CALD1: variants seen among roughly 807,000 people sequenced by gnomAD.
CALD1 encodes caldesmon 1.
CALD1 carries 33 observed loss-of-function variants against 99.9 expected under a neutral mutation model. The ratio of observed to expected loss-of-function variants is 0.33; its 90% CI spans 0.25 to 0.44. The LOEUF is 0.44. Among genes scored for constraint, CALD1 ranks in the 20% least tolerant of loss-of-function variants. The pLI, the probability that CALD1 is intolerant of heterozygous loss-of-function variation, is 1.00. For synonymous variants in CALD1, 310 were observed against 325.0 expected (o/e 0.95, Z 0.50); for missense variants, 861 against 962.1 (o/e 0.89, Z 1.39).
intron 1 of CALD1, among the ~76,000 whole-genome samples, chr7:134,769,990 T>C (rs1796864020): frequency 6.6e-6 from 1 of 152,236 alleles, no homozygotes; most frequent in South Asian, 2.1e-4. Context: ...TTCTCTTGGC[T>C]TCTCTTTTCC....
At chr7:134,940,383 CA>C (rs968937365) in intron 6 of CALD1, among the ~76,000 whole-genome samples, 5 of 152,298 alleles carry the variant, frequency 3.3e-5, no homozygotes, top group African/African-American at 9.6e-5. Context: ...ACCACAACCA[CA>C]AAACTACTTC....
chr7:134,811,058 C>A (rs1156691836), intron 1 of CALD1, among the ~76,000 whole-genome samples: 1 of 152,132 alleles, frequency 6.6e-6, no homozygotes, highest in Non-Finnish European at 1.5e-5. Context: ...TTTGGGTTGC[C>A]ACAGCACAAA....
intron 3 of CALD1, chr7:134,868,084 A>G (rs1169139186): frequency 2.0e-5 from 4 of 205,126 alleles, no homozygotes; most frequent in Non-Finnish European, 3.0e-5. Context: ...AATGTTTTAA[A>G]TGACAAAAGT....
intron 2 of CALD1, among the ~76,000 whole-genome samples, chr7:134,849,143 T>C (rs6943381): frequency 0.39 from 59,478 of 151,996 alleles, 14,384 homozygotes; most frequent in African/African-American, 0.69. Context: ...TGGCAAAGGG[T>C]CATAATATTT....
intron 9 of CALD1, among the ~76,000 whole-genome samples, chr7:134,955,336 C>T (rs1016860476): frequency 4.6e-5 from 7 of 152,062 alleles, no homozygotes; most frequent in Admixed American, 2.6e-4. Flanking sequence ...TGCAGTGAGC[C>T]GAGATTCCAC....
rs1563096413 is a variant in CALD1, at chr7:134,920,436, T to C, written c.72-8318T>C. On this transcript the variant is annotated intron_variant, in intron 3 of 14. Transcript: ENST00000361675. ...CAGACAATGCCATTAGCAGAACCAATAATGATGGGAATCAAATAAAAGTAA... is the reference window on the plus strand; with the variant it reads ...CAGACAATGCCATTAGCAGAACCAACAATGATGGGAATCAAATAAAAGTAA... 4.3e-6 allele frequency: 4 copies of C among 921,158 alleles called. No individual in the cohort carries two copies. The South Asian group carries it at 1.1e-4, about 26-fold the overall frequency. The allele number at this position is 921,158 out of a possible 1,614,324, so 57.1% of individuals were successfully genotyped here. A position where few individuals can be genotyped will look rare whatever the true frequency, so the allele number is the denominator to read the frequency against.
chr7:134,935,942 G>A (rs1805937355), intron 6 of CALD1, among the ~76,000 whole-genome samples, 177 bp downstream of exon 6: 1 of 152,128 alleles, frequency 6.6e-6, no homozygotes, highest in Non-Finnish European at 1.5e-5. Flanking sequence ...TTAATTAAAT[G>A]TATCAGTCAG....
At chr7:134,802,923 T>C (rs118085377) in intron 1 of CALD1, among the ~76,000 whole-genome samples, 149 of 152,380 alleles carry the variant, frequency 9.8e-4, no homozygotes, top group Non-Finnish European at 1.6e-3. Context: ...AGAAGTGGAA[T>C]TGCTGAGTCT....
the CALD1 span, among the ~76,000 whole-genome samples, chr7:134,729,515 C>T: frequency 7.2e-5 from 11 of 152,304 alleles, no homozygotes; most frequent in Admixed American, 5.2e-4. Flanking sequence ...ACGCAGCCCC[C>T]GAGGGCAGGC....
the CALD1 span, among the ~76,000 whole-genome samples, chr7:134,735,295 A>G: frequency 6.6e-6 from 1 of 152,190 alleles, no homozygotes; most frequent in African/African-American, 2.4e-5. Context: ...ATAGCACTTG[A>G]TTCAAAATGT....
chr7:134,965,484 C>T (rs1269330889), intron 14 of CALD1, 98 bp downstream of exon 14: 1 of 730,454 alleles, frequency 1.4e-6, no homozygotes, highest in South Asian at 1.5e-5. Context: ...CACTGACCTA[C>T]AGATCTTTGC....
At chr7:134,782,799 A>C (rs1797158629) in intron 1 of CALD1, among the ~76,000 whole-genome samples, 1 of 152,092 alleles carries the variant, frequency 6.6e-6, no homozygotes, top group Non-Finnish European at 1.5e-5. Flanking sequence ...AGTATCCCTA[A>C]TGATCTCTTC....
the CALD1 span, among the ~76,000 whole-genome samples, chr7:134,728,351 A>G: frequency 6.6e-6 from 1 of 152,176 alleles, no homozygotes; most frequent in Non-Finnish European, 1.5e-5. Flanking sequence ...ATGGACAGAA[A>G]AAGGAAAGTG....
intron 1 of CALD1, among the ~76,000 whole-genome samples, chr7:134,789,932 C>G (rs1198041543): frequency 6.6e-6 from 1 of 151,594 alleles, no homozygotes; most frequent in Non-Finnish European, 1.5e-5. Flanking sequence ...ATCTATGCTG[C>G]CTTTAACATT....
chr7:134,928,511 G>A (rs1586334509), intron 3 of CALD1, among the ~76,000 whole-genome samples: 1 of 149,598 alleles, frequency 6.7e-6, no homozygotes, highest in East Asian at 1.9e-4. Context: ...TTTAGTTTAA[G>A]TTGTTATTTG....
intron 4 of CALD1, among the ~76,000 whole-genome samples, chr7:134,929,623 T>TATACACACACAC (rs1805355587): frequency 1.1e-3 from 1 of 894 alleles, no homozygotes; most frequent in Non-Finnish European, 3.3e-3. Flanking sequence ...TATATATACG[T>TATACACACACAC]GTGTGTGTGT....
intron 1 of CALD1, among the ~76,000 whole-genome samples, chr7:134,762,822 G>C (rs1223242761): frequency 6.6e-6 from 1 of 152,118 alleles, no homozygotes; most frequent in Non-Finnish European, 1.5e-5. Context: ...GATTACAACT[G>C]GACATGAGAT....
chr7:134,934,916 C>T (rs891210942), intron 5 of CALD1, among the ~76,000 whole-genome samples: 1 of 151,770 alleles, frequency 6.6e-6, no homozygotes, highest in Admixed American at 6.6e-5. Context: ...AAGGCAAAAA[C>T]AAACCCCTGG....
intron 13 of CALD1, chr7:134,962,684 G>A: frequency 8.1e-6 from 3 of 371,668 alleles, no homozygotes; most frequent in South Asian, 6.3e-5. Context: ...CTTTGTAACT[G>A]CAATTCAATT....
Sources: allele counts gnomAD v4.1 joint callset (sites outside exome capture counted in the v4.1 genomes callset), GRCh38; gene constraint gnomAD v4.1.1; transcripts MANE v1.5; gene names NCBI Gene and HGNC (gene_info 2026-07-23, HGNC 2026-07-21).